LRFN5: variants seen among roughly 807,000 people sequenced by gnomAD.
The protein encoded by LRFN5 is leucine-rich repeat and fibronectin type-III domain-containing protein 5.
LRFN5 carries 24 observed loss-of-function variants against 45.6 expected under a neutral mutation model. That is an observed-to-expected ratio of 0.53 (90% CI 0.38 to 0.74). The LOEUF (loss-of-function observed/expected upper bound fraction) is 0.74, where lower values mean the gene tolerates loss of function less well. Ranked by LOEUF, LRFN5 falls within the 30% of genes least tolerant of loss-of-function variation. The probability of loss-of-function intolerance (pLI) is 0.00; values close to 1 mark genes in which losing one functional copy is unlikely to be tolerated. For missense variants in LRFN5, 776 were observed against 861.5 expected, an observed-to-expected ratio of 0.90 and a Z score of 1.24; for synonymous variants, 340 against 313.8, an observed-to-expected ratio of 1.08 and a Z score of -0.88.
At chr14:41,876,126 G>A (rs1044553657) in intron 2 of LRFN5, among the ~76,000 whole-genome samples, 2 of 152,038 alleles carry the variant, frequency 1.3e-5, no homozygotes, top group African/African-American at 2.4e-5. Flanking sequence ...ACAGGTGCAG[G>A]ACAAGAGCAG....
chr14:41,866,417 A>C (rs1489525973), intron 2 of LRFN5, among the ~76,000 whole-genome samples: 1 of 152,108 alleles, frequency 6.6e-6, no homozygotes, highest in Non-Finnish European at 1.5e-5. Context: ...CTGCAGATAC[A>C]CTGCCACTAT....
intron 2 of LRFN5, among the ~76,000 whole-genome samples, chr14:41,780,148 A>AT (rs909925301): frequency 4.0e-5 from 6 of 151,634 alleles, no homozygotes; most frequent in African/African-American, 9.7e-5. Context: ...TTTAGTTAAA[A>AT]TTTTTTTTAA....
At chr14:41,608,984 C>G (rs1887619446) in intron 1 of LRFN5, among the ~76,000 whole-genome samples, 1 of 152,162 alleles carries the variant, frequency 6.6e-6, no homozygotes, top group Admixed American at 6.5e-5. Flanking sequence ...CTTTTCTACC[C>G]TTTTCTACCT....
intron 1 of LRFN5, among the ~76,000 whole-genome samples, chr14:41,707,756 T>C (rs1883124949): frequency 6.6e-6 from 1 of 152,080 alleles, no homozygotes; most frequent in Non-Finnish European, 1.5e-5. Flanking sequence ...TTATTGGAAC[T>C]TACTCATGCC....
intron 1 of LRFN5, among the ~76,000 whole-genome samples, chr14:41,709,270 A>G (rs956445): frequency 0.2 from 31,013 of 151,878 alleles, 3,395 homozygotes; most frequent in Non-Finnish European, 0.26. Flanking sequence ...AAATTTGGCT[A>G]GTGAAAGATT....
At chr14:41,749,095 A>C (rs1318681169) in intron 1 of LRFN5, among the ~76,000 whole-genome samples, 2 of 152,080 alleles carry the variant, frequency 1.3e-5, no homozygotes, top group Non-Finnish European at 2.9e-5. Flanking sequence ...GGCCACTCCC[A>C]AAATAATGTA....
intron 1 of LRFN5, among the ~76,000 whole-genome samples, chr14:41,659,685 C>T (rs1462103336): frequency 2.0e-5 from 3 of 152,146 alleles, no homozygotes; most frequent in Admixed American, 6.6e-5. Flanking sequence ...AAAAGCATTC[C>T]TCTTTTTCCA....
chr14:41,801,524 A>G (rs1351203918), intron 2 of LRFN5, among the ~76,000 whole-genome samples: 1 of 152,182 alleles, frequency 6.6e-6, no homozygotes, highest in South Asian at 2.1e-4. Context: ...CCATTGACAG[A>G]TAAGTTACTC....
At chr14:41,835,935 A>ATTT (rs1566473882) in intron 2 of LRFN5, among the ~76,000 whole-genome samples, 295 of 139,676 alleles carry the variant, frequency 2.1e-3, no homozygotes, top group African/African-American at 7.9e-3. Flanking sequence ...TTTTTTTTTA[A>ATTT]AAAAAAAAAA....
intron 2 of LRFN5, among the ~76,000 whole-genome samples, chr14:41,786,786 C>G (rs12893307): frequency 0.14 from 21,743 of 151,636 alleles, 1,724 homozygotes; most frequent in East Asian, 0.22. Flanking sequence ...ATGCACGATA[C>G]CTTTTTATTT....
chr14:41,659,778 T>G (rs1012052350), intron 1 of LRFN5, among the ~76,000 whole-genome samples: 1 of 152,196 alleles, frequency 6.6e-6, no homozygotes, highest in African/African-American at 2.4e-5. Flanking sequence ...ATTGTGGTTT[T>G]GATTTGCATT....
intron 1 of LRFN5, among the ~76,000 whole-genome samples, chr14:41,666,686 C>T (rs984308312): frequency 4.6e-5 from 7 of 152,038 alleles, no homozygotes; most frequent in Admixed American, 1.3e-4. Context: ...GTCCAACTAA[C>T]AGAAATAAAA....
At position 41,664,569 on chromosome 14, in the gene LRFN5, G is replaced by T. The variant is rs547493502; in HGVS notation, c.-197+56007G>T. ...CCCAGTGCTTTGCAATGCTGAGATG[G>T]GAGGATTGCTTGAGGACAGGAGCTC... On this transcript the variant is annotated intron_variant, in intron 1 of 5. Transcript: ENST00000298119. Among the ~76,000 whole-genome samples, 9 of 152,078 alleles carry T rather than the reference G, an allele frequency of 5.9e-5. No homozygotes were observed. In the South Asian group the frequency reaches 1.9e-3, roughly 32 times the overall value.
At position 41,634,635 on chromosome 14, in the gene LRFN5, T is replaced by A. The variant is rs149229566; in HGVS notation, c.-197+26073T>A. ...GAAGTATGAAACTTTCTTTCAGGGC[T>A]TGGTTAACTATAATATATCTTGTAA... On this transcript the variant is annotated intron_variant, in intron 1 of 5. Coordinates refer to ENST00000298119, the MANE Select transcript of LRFN5 (RefSeq NM_152447.5). 5.3e-3 allele frequency among the ~76,000 whole-genome samples: 803 copies of A among 152,296 alleles called. 6 individuals are homozygous for A. Among genetic ancestry groups the A allele is most frequent in the African/African-American group, 0.019 (779 of 41,572 alleles).
intron 1 of LRFN5, among the ~76,000 whole-genome samples, chr14:41,657,494 A>G (rs1434358224): frequency 6.6e-5 from 10 of 151,986 alleles, no homozygotes; most frequent in Admixed American, 2.0e-4. Context: ...TTTTAAAATT[A>G]GTCTCTACGA....
At chr14:41,808,652 G>A (rs182490728) in intron 2 of LRFN5, among the ~76,000 whole-genome samples, 21 of 152,086 alleles carry the variant, frequency 1.4e-4, no homozygotes, top group Admixed American at 1.4e-3. Flanking sequence ...CCCAATTGTG[G>A]CCAGACCTAT....
chr14:41,765,200 G>A (rs1280767436), intron 1 of LRFN5, among the ~76,000 whole-genome samples: 1 of 152,036 alleles, frequency 6.6e-6, no homozygotes, highest in Non-Finnish European at 1.5e-5. Context: ...AAATTAGCCG[G>A]GCGTAGTGGC....
intron 2 of LRFN5, among the ~76,000 whole-genome samples, chr14:41,788,444 C>T (rs973358061): frequency 2.0e-5 from 3 of 151,884 alleles, no homozygotes; most frequent in African/African-American, 4.8e-5. Context: ...CCAGATATGG[C>T]GTAAGTATTG....
chr14:41,781,550 AAAAGAAAGAGAAAGAAAG>A (rs1886485801), intron 2 of LRFN5, among the ~76,000 whole-genome samples: 3 of 133,850 alleles, frequency 2.2e-5, no homozygotes, highest in Non-Finnish European at 4.8e-5. Context: ...AAGGAAGGAG[AAAAGAAAGAGAAAGAAAG>A]AAAGAAAGAA....
Sources: gnomAD v4.1 joint callset for allele counts (sites outside exome capture counted in the v4.1 genomes callset) on GRCh38, gnomAD v4.1.1 for gene constraint, MANE v1.5 for transcripts, NCBI Gene and HGNC (gene_info 2026-07-23, HGNC 2026-07-21) for gene names.